The following AFAP1L2 variants were observed in gnomAD, a reference collection of about 807,000 sequenced individuals.
AFAP1L2 encodes actin filament associated protein 1 like 2, also known as actin filament-associated protein 1-like 2.
AFAP1L2 carries 46 observed loss-of-function variants against 99.3 expected under a neutral mutation model. That is an observed-to-expected ratio of 0.46 (90% CI 0.37 to 0.59). AFAP1L2 has a LOEUF of 0.59. Among genes scored for constraint, AFAP1L2 ranks in the 20% least tolerant of loss-of-function variants. AFAP1L2 has a pLI of 0.00. For missense variants in AFAP1L2, 959 were observed against 1,034.9 expected (o/e 0.93, Z 1.01); for synonymous variants, 397 against 419.1 (o/e 0.95, Z 0.64).
Position 114,300,596 on chromosome 10 carries a change from A to G in AFAP1L2, c.1637T>C (p.Phe546Ser), listed in dbSNP as rs759746547. 6.2e-7 allele frequency: 1 copy of G among 1,614,140 alleles called. No homozygotes were observed. The highest frequency in any genetic ancestry group is 1.7e-5 in the Admixed American group (1 of 60,028). The change falls in exon 14 of 19, where the codon TTT becomes TCT. Residue 546 changes from phenylalanine to serine, a missense_variant. Around this residue, in one of 2 missense-constraint regions of AFAP1L2, gnomAD observed 576 missense variants for 562.1 expected, o/e 1.02. Transcript: ENST00000304129. ...CTGTGCACTGCTGGGGCCATGCAGA[A>G]AGGACTTGACAGGTGTGAGGTCCAG... ...VYLDLTPVKS[F>S]LHGPSSAQAQ...
At position 114,301,217 on chromosome 10, in the gene AFAP1L2, A is replaced by G. The variant is rs2041122402; in HGVS notation, c.1542+137T>C. ...AGCCTTGTTGCACTTAGGTGTCTGC[A>G]CTACTGGCCTGGTAGGTGACTCAGA... is the stretch of plus-strand genomic sequence containing the variant. On this transcript the variant is annotated intron_variant, in intron 13 of 18. Transcript: ENST00000304129. 1.8e-5 allele frequency: 12 copies of G among 676,564 alleles called. No homozygotes were observed. In the East Asian group the frequency reaches 3.0e-4, roughly 17 times the overall value. 41.9% of individuals were successfully genotyped at this position (676,564 alleles called of 1,614,324 possible).
At chr10:114,339,522 T>C (rs1419265522) in intron 2 of AFAP1L2, among the ~76,000 whole-genome samples, 1 of 152,216 alleles carries the variant, frequency 6.6e-6, no homozygotes, top group Non-Finnish European at 1.5e-5. Context: ...TTTCTGGGGC[T>C]CGGGCCCAAC....
At chr10:114,289,690 G>T in the AFAP1L2 span, 1 of 621,034 alleles carries the variant, frequency 1.6e-6, no homozygotes, top group South Asian at 2.0e-5. Flanking sequence ...TTAAGGTACA[G>T]AAAGTTTAAC....
At chr10:114,290,891 CAG>C (rs1286421521), downstream of AFAP1L2, among the ~76,000 whole-genome samples, 2 of 152,130 alleles carry the variant, frequency 1.3e-5, no homozygotes, top group African/African-American at 4.8e-5. Context: ...TCAAGGGTAA[CAG>C]ATTAGGACCT....
At chr10:114,322,039 TA>T (rs1351351691) in intron 5 of AFAP1L2, among the ~76,000 whole-genome samples, 1 of 152,294 alleles carries the variant, frequency 6.6e-6, no homozygotes, top group Non-Finnish European at 1.5e-5. Context: ...GTTCTCGTGA[TA>T]GTGAATAAGT....
rs61366681 is a variant in AFAP1L2 at position 114,360,509 on chromosome 10, T to TAGATAGATAGATAGATAGATAGTTAGA, written c.17-19779_17-19778insTCTAACTATCTATCTATCTATCTATCT. On this transcript the variant is annotated intron_variant, in intron 1 of 18. Transcript: ENST00000304129. ...TCTAGATAGATAGATAGATAGATAG[T>TAGATAGATAGATAGATAGATAGTTAGA]TAGATAGATAGATAGATAGATAGAT... 1.5e-3 allele frequency among the ~76,000 whole-genome samples: 162 copies of TAGATAGATAGATAGATAGATAGTTAGA among 107,402 alleles called. 1 individual carries two copies. Among genetic ancestry groups the TAGATAGATAGATAGATAGATAGTTAGA allele is most frequent in the Middle Eastern group, 4.3e-3 (1 of 234 alleles). 70.5% of individuals were successfully genotyped at this position (107,402 alleles called of 152,430 possible).
chr10:114,387,316 G>A (rs1469759651), intron 1 of AFAP1L2, among the ~76,000 whole-genome samples: 3 of 152,158 alleles, frequency 2.0e-5, no homozygotes, highest in Non-Finnish European at 4.4e-5. Flanking sequence ...ACAGATGGGG[G>A]AAACTGAAGC....
intron 5 of AFAP1L2, among the ~76,000 whole-genome samples, chr10:114,318,812 T>A: frequency 6.7e-6 from 1 of 148,794 alleles, no homozygotes; most frequent in African/African-American, 2.5e-5. Context: ...AGCAAATATA[T>A]TAATAATTGT....
intron 7 of AFAP1L2, 77 bp from the exon 8 acceptor site, chr10:114,310,520 C>G: frequency 7.3e-7 from 1 of 1,367,120 alleles, no homozygotes; most frequent in Non-Finnish European, 1.0e-6. Flanking sequence ...AGCCAGGGCC[C>G]CTGCAGGTCA....
rs1165413816 is a variant in AFAP1L2 at position 114,327,144 on chromosome 10, T to TA, written c.316-3884dup. 2.8e-3 allele frequency among the ~76,000 whole-genome samples: 128 copies of TA among 46,406 alleles called. 1 individual carries two copies. The highest frequency in any genetic ancestry group is 7.7e-3 in the African/African-American group (125 of 16,142). 30.4% of individuals were successfully genotyped at this position (46,406 alleles called of 152,430 possible). A position where few individuals can be genotyped will look rare whatever the true frequency, so the allele number is the denominator to read the frequency against. On this transcript the variant is annotated intron_variant, in intron 4 of 18. Coordinates refer to ENST00000304129, the MANE Select transcript of AFAP1L2 (RefSeq NM_001001936.3). ...TGGTGAAGACCGTGAATTTTATATA[T>TA]ATTTATATATATATATATATATATA...
intron 8 of AFAP1L2, 132 bp from the exon 9 acceptor site, chr10:114,308,649 AC>A: frequency 1.3e-6 from 1 of 742,598 alleles, no homozygotes; most frequent in Admixed American, 2.8e-5. Flanking sequence ...CCTGCCGGCC[AC>A]CTAAACGGCA....
At chr10:114,323,391 G>A (rs942015851) in intron 4 of AFAP1L2, 130 bp from the exon 5 acceptor site, 17 of 728,436 alleles carry the variant, frequency 2.3e-5, no homozygotes, top group Non-Finnish European at 4.0e-5. Context: ...AGCAAGTTGG[G>A]AGGGAGAACA....
At chr10:114,311,904 T>G (rs948148459) in intron 7 of AFAP1L2, among the ~76,000 whole-genome samples, 2 of 152,216 alleles carry the variant, frequency 1.3e-5, no homozygotes, top group Admixed American at 1.3e-4. Flanking sequence ...ACAAAGCCAA[T>G]GCAGGTAGGT....
At chr10:114,368,835 A>T (rs2053674540) in intron 1 of AFAP1L2, among the ~76,000 whole-genome samples, 1 of 150,846 alleles carries the variant, frequency 6.6e-6, no homozygotes, top group Non-Finnish European at 1.5e-5. Flanking sequence ...AAATGAGATG[A>T]TGGCTGTGCT....
At chr10:114,286,087 G>A in the AFAP1L2 span, 1 of 1,614,148 alleles carries the variant, frequency 6.2e-7, no homozygotes, top group Non-Finnish European at 8.5e-7. Context: ...GGGCCCGAGT[G>A]GGTGTGGCCA....
In AFAP1L2 at chr10:114,340,733, T is replaced by G; in HGVS notation, c.17-2A>C. 1 of 1,614,170 alleles carries G rather than the reference T, an allele frequency of 6.2e-7. No individual in the cohort carries two copies. The highest frequency in any genetic ancestry group is 1.6e-4 in the Middle Eastern group (1 of 6,062). On this transcript the variant is annotated splice_acceptor_variant, in intron 1 of 18. Transcript: ENST00000304129. LOFTEE classifies it high-confidence loss of function. ...ACTCTGTCAGCAGCTGTTCCAGGGCTAGGGACAGGAAACAGAAGAAACTTA... is the reference window on the plus strand; with the variant it reads ...ACTCTGTCAGCAGCTGTTCCAGGGCGAGGGACAGGAAACAGAAGAAACTTA...
intron 11 of AFAP1L2, among the ~76,000 whole-genome samples, chr10:114,303,269 T>C (rs1410967378): frequency 3.3e-5 from 5 of 152,284 alleles, no homozygotes; most frequent in African/African-American, 1.2e-4. Flanking sequence ...AAAGAGGCCG[T>C]GATGAGCAGA....
downstream of AFAP1L2, among the ~76,000 whole-genome samples, chr10:114,290,842 G>C (rs1032879366): frequency 1.2e-4 from 19 of 152,304 alleles, no homozygotes; most frequent in African/African-American, 4.6e-4. Flanking sequence ...GTGAGGACGA[G>C]GAGGAGGTGC....
At chr10:114,354,223 G>C (rs890520728) in intron 1 of AFAP1L2, among the ~76,000 whole-genome samples, 2 of 152,218 alleles carry the variant, frequency 1.3e-5, no homozygotes, top group Admixed American at 1.3e-4. Flanking sequence ...ATTAGGAAGA[G>C]TGGAAGAGCA....
Sources: allele counts gnomAD v4.1 joint callset (sites outside exome capture counted in the v4.1 genomes callset), GRCh38; gene constraint gnomAD v4.1.1; regional missense constraint gnomAD v4.1.1; transcripts MANE v1.5; gene names NCBI Gene and HGNC (gene_info 2026-07-23, HGNC 2026-07-21).